Variants in ACADSB observed in about 807,000 individuals in gnomAD.
The protein encoded by ACADSB is short/branched chain specific acyl-CoA dehydrogenase, mitochondrial.
ACADSB carries 40 observed loss-of-function variants against 54.1 expected under a neutral mutation model. The observed-to-expected ratio is 0.74, with a 90% CI of 0.57 to 0.96. The LOEUF (loss-of-function observed/expected upper bound fraction) is 0.96. Ranked by LOEUF, ACADSB falls within the 40% of genes least tolerant of loss-of-function variation. ACADSB has a pLI of 0.00. For missense variants in ACADSB, 530 were observed against 510.4 expected (o/e 1.04, Z -0.37); for synonymous variants, 182 against 182.8 (o/e 1.00, Z 0.03).
intron 1 of ACADSB, among the ~76,000 whole-genome samples, chr10:123,030,741 G>A (rs758517149): frequency 2.1e-4 from 29 of 140,504 alleles, no homozygotes; most frequent in African/African-American, 6.6e-4. Flanking sequence ...GGAGCATAGC[G>A]GAGGAAGGGA....
In ACADSB at chr10:123,054,298, G is replaced by T; in HGVS notation, c.*533G>T. On this transcript the variant is annotated 3_prime_UTR_variant, in exon 11 of 11. Coordinates refer to ENST00000358776, the MANE Select transcript of ACADSB (RefSeq NM_001609.4). ...GCCTCCCAAAGTGCTGGGATTACAG[G>T]GATGAGCCACCGTGCCTGGCTGGGT... is the stretch of plus-strand genomic sequence containing the variant. 1 of 156,876 alleles carries T rather than the reference G, an allele frequency of 6.4e-6. No homozygotes were observed. Among genetic ancestry groups the T allele is most frequent in the Non-Finnish European group, 1.4e-5 (1 of 70,480 alleles). The allele number at this position is 156,876 out of a possible 1,614,324, so 9.7% of individuals were successfully genotyped here.
intron 7 of ACADSB, 96 bp downstream of exon 7, chr10:123,044,581 C>T: frequency 1.1e-6 from 1 of 914,986 alleles, no homozygotes; most frequent in South Asian, 1.4e-5. Context: ...AGCTTATGGA[C>T]ACAAGATGGC....
chr10:123,021,020 A>G (rs1294458016), intron 1 of ACADSB, among the ~76,000 whole-genome samples: 1 of 152,180 alleles, frequency 6.6e-6, no homozygotes, highest in Non-Finnish European at 1.5e-5. Context: ...AAATAAATAA[A>G]TACATACATA....
chr10:123,053,765 A>G lies in ACADSB; in HGVS notation c.1299A>G (p.Ter433TrpextTer3). 6.2e-7 allele frequency: 1 copy of G among 1,613,294 alleles called. No individual in the cohort carries two copies. Among genetic ancestry groups the G allele is most frequent in the East Asian group, 2.2e-5 (1 of 44,882 alleles). ...CAAAGCATATCGATGCAGAATACTGACGTCTATAGGAGTGGGACCCCTCCC... is the reference window on the plus strand; with the variant it reads ...CAAAGCATATCGATGCAGAATACTGGCGTCTATAGGAGTGGGACCCCTCCC... ...TIAKHIDAEY[*>W] The change falls in exon 11 of 11, where the codon TGA becomes TGG. Residue 433 changes from the stop codon to tryptophan, a stop_lost. Coordinates refer to ENST00000358776, the MANE Select transcript of ACADSB (RefSeq NM_001609.4).
chr10:123,045,991 GT>G (rs1203774442), intron 7 of ACADSB, among the ~76,000 whole-genome samples: 2 of 152,174 alleles, frequency 1.3e-5, no homozygotes, highest in African/African-American at 4.8e-5. Context: ...GTTTTTCAGT[GT>G]TTGTAGTAGA....
At position 123,048,890 on chromosome 10, in the gene ACADSB, A is replaced by G. The variant is rs572350705; in HGVS notation, c.990+1592A>G. On this transcript the variant is annotated intron_variant, in intron 8 of 10. Transcript: ENST00000358776. ...ACTACAGGCACCCGCCACCACGCCC[A>G]GCTAATTTTTTGTATTTGTAGTAGA... Among the ~76,000 whole-genome samples the G allele has an allele frequency of 2.0e-5, 3 of 151,998 alleles. No homozygotes were observed. In the South Asian group the frequency reaches 6.2e-4, roughly 32 times the overall value.
At chr10:123,011,962 G>C (rs1388700570) in intron 1 of ACADSB, among the ~76,000 whole-genome samples, 1 of 151,702 alleles carries the variant, frequency 6.6e-6, no homozygotes, top group Non-Finnish European at 1.5e-5. Flanking sequence ...GTGATTCTCT[G>C]ACCTCAGCTC....
At chr10:123,011,608 C>G (rs1850034502) in intron 1 of ACADSB, among the ~76,000 whole-genome samples, 1 of 150,364 alleles carries the variant, frequency 6.7e-6, no homozygotes, top group Admixed American at 6.7e-5. Context: ...TTCACTGTAA[C>G]CTATGCCACC....
intron 1 of ACADSB, among the ~76,000 whole-genome samples, chr10:123,009,611 A>G (rs1849980175): frequency 6.6e-6 from 1 of 152,186 alleles, no homozygotes; most frequent in South Asian, 2.1e-4. Flanking sequence ...CCAGGGACAG[A>G]GTTCCCTCTG....
Position 123,040,531 on chromosome 10 carries a change from C to A in ACADSB, c.369C>A (p.Leu123=). The A allele has an allele frequency of 1.2e-6, 2 of 1,613,916 alleles. No homozygotes were observed. Among genetic ancestry groups the A allele is most frequent in the Non-Finnish European group, 1.7e-6 (2 of 1,179,972 alleles). ...GTGASFLSTV[L]VIEELAKVDA... ...GAGCTTCATTTTTATCCACTGTGCTCGTGATAGAGGAATTAGCCAAAGTTG... is the reference window on the plus strand; with the variant it reads ...GAGCTTCATTTTTATCCACTGTGCTAGTGATAGAGGAATTAGCCAAAGTTG... Residue 123 remains leucine (L), a synonymous_variant, in exon 4 of 11, where the codon CTC becomes CTA. Coordinates refer to ENST00000358776, the MANE Select transcript of ACADSB (RefSeq NM_001609.4).
intron 3 of ACADSB, 87 bp from the exon 4 acceptor site, chr10:123,040,379 A>T: frequency 9.1e-7 from 1 of 1,104,170 alleles, no homozygotes; most frequent in Non-Finnish European, 1.4e-6. Flanking sequence ...AAATATGGTT[A>T]CAGTTTATTT....
At chr10:123,021,730 A>G (rs1047373520) in intron 1 of ACADSB, among the ~76,000 whole-genome samples, 7 of 152,226 alleles carry the variant, frequency 4.6e-5, no homozygotes, top group African/African-American at 1.7e-4. Flanking sequence ...TCTTCACGCA[A>G]CAGGGCCAGG....
At chr10:123,026,920 G>A (rs986204528) in intron 1 of ACADSB, among the ~76,000 whole-genome samples, 6 of 152,148 alleles carry the variant, frequency 3.9e-5, no homozygotes, top group Admixed American at 1.3e-4. Flanking sequence ...TGGGCTGGAT[G>A]AGGATGTGAT....
rs137939403 is a variant in ACADSB at position 123,039,421 on chromosome 10, C to A, written c.304-1045C>A. On this transcript the variant is annotated intron_variant, in intron 3 of 10. Transcript: ENST00000358776. The stretch of plus-strand genomic sequence containing the variant: ...TAGCAGCTGTGGGTTTTGAATTACA[C>A]ATGCACACATTCTCTTTGTGAAATT... Among the ~76,000 whole-genome samples the A allele has an allele frequency of 2.2e-3, 342 of 152,296 alleles. 1 individual carries two copies. The highest frequency in any genetic ancestry group is 7.4e-3 in the African/African-American group (308 of 41,562).
chr10:123,047,502 G>A (rs1232054700), intron 8 of ACADSB, among the ~76,000 whole-genome samples: 1 of 152,060 alleles, frequency 6.6e-6, no homozygotes, highest in Non-Finnish European at 1.5e-5. Context: ...TTGAGGCCCA[G>A]CTATGGCATG....
rs537044432 is a variant in ACADSB, at chr10:123,057,361, C to T, written c.*3596C>T. Reference sequence around the variant, plus strand: ...GTTAATATATGCACCTACCTTCTTCCGTTAGTGCATCAGTAAATGTGTTAT... The same window carrying T: ...GTTAATATATGCACCTACCTTCTTCTGTTAGTGCATCAGTAAATGTGTTAT... On this transcript the variant is annotated 3_prime_UTR_variant, in exon 11 of 11. Coordinates refer to ENST00000358776, the MANE Select transcript of ACADSB (RefSeq NM_001609.4). 8.3e-4 allele frequency: 127 copies of T among 152,266 alleles called. No homozygotes were observed. The highest frequency in any genetic ancestry group is 3.0e-3 in the African/African-American group (123 of 41,544). 9.4% of individuals were successfully genotyped at this position (152,266 alleles called of 1,614,324 possible). A position where few individuals can be genotyped will look rare whatever the true frequency, so the allele number is the denominator to read the frequency against.
chr10:123,036,879 G>A (rs573765966), intron 2 of ACADSB, among the ~76,000 whole-genome samples: 14 of 152,192 alleles, frequency 9.2e-5, no homozygotes, highest in Non-Finnish European at 1.6e-4. Context: ...GTGCAGAAAC[G>A]AAGGAATACT....
Position 123,040,504 on chromosome 10 carries a change from A to G in ACADSB, c.342A>G (p.Thr114=). The change falls in exon 4 of 11, where the codon ACA becomes ACG. Residue 114 remains threonine, a synonymous_variant. Coordinates refer to ENST00000358776, the MANE Select transcript of ACADSB (RefSeq NM_001609.4). ...GIEVDPEYGG[T]GASFLSTVLV... is the part of the protein sequence containing the mutation. ...AAGTTGACCCAGAATATGGAGGCACAGGAGCTTCATTTTTATCCACTGTGC... is the reference window on the plus strand; with the variant it reads ...AAGTTGACCCAGAATATGGAGGCACGGGAGCTTCATTTTTATCCACTGTGC... 6.2e-7 allele frequency: 1 copy of G among 1,614,162 alleles called. No homozygotes were observed. The highest frequency in any genetic ancestry group is 8.5e-7 in the Non-Finnish European group (1 of 1,180,012).
chr10:123,017,516 C>G (rs983971357), intron 1 of ACADSB, among the ~76,000 whole-genome samples: 2 of 152,156 alleles, frequency 1.3e-5, no homozygotes, highest in African/African-American at 2.4e-5. Flanking sequence ...CAGGATTTTA[C>G]CATCTTGGTC....
Sources: allele counts gnomAD v4.1 joint callset (sites outside exome capture counted in the v4.1 genomes callset), GRCh38; gene constraint gnomAD v4.1.1; transcripts MANE v1.5; gene names NCBI Gene and HGNC (gene_info 2026-07-23, HGNC 2026-07-21).